AXIN1: variants seen among roughly 807,000 people sequenced by gnomAD.
AXIN1 encodes axin-1.
AXIN1 carries 30 observed loss-of-function variants against 76.4 expected under a neutral mutation model. The ratio of observed to expected loss-of-function variants is 0.39; its 90% confidence interval spans 0.29 to 0.53. The LOEUF (loss-of-function observed/expected upper bound fraction) is 0.53. AXIN1 is among the 20% of genes least tolerant of loss of function. The probability of loss-of-function intolerance (pLI) is 0.66; values close to 1 mark genes in which losing one functional copy is unlikely to be tolerated. For missense variants in AXIN1, 1,140 were observed against 1,198.8 expected (o/e 0.95, Z 0.72); for synonymous variants, 545 against 501.4 (o/e 1.09, Z -1.16).
At chr16:329,990 A>T (rs1259385459) in intron 2 of AXIN1, among the ~76,000 whole-genome samples, 4 of 149,044 alleles carry the variant, frequency 2.7e-5, no homozygotes, top group African/African-American at 9.9e-5. Flanking sequence ...CTGGTCTCAA[A>T]CTCCTGACCT....
chr16:301,292 CAAA>C, intron 5 of AXIN1, among the ~76,000 whole-genome samples: 1 of 105,686 alleles, frequency 9.5e-6, no homozygotes, highest in East Asian at 3.0e-4. Flanking sequence ...CAAAACAAAG[CAAA>C]AAAAAAAAAA....
chr16:325,239 C>T (rs544956578), intron 2 of AXIN1, among the ~76,000 whole-genome samples: 6 of 152,240 alleles, frequency 3.9e-5, no homozygotes, highest in Non-Finnish European at 7.3e-5. Context: ...ATCCACCTGT[C>T]GCTCGAGGTC....
intron 8 of AXIN1, chr16:291,703 C>T (rs1381672400): frequency 3.4e-5 from 11 of 327,198 alleles, no homozygotes; most frequent in South Asian, 7.4e-5. Context: ...CGTGGCAACT[C>T]GGTCTGCACC....
chr16:314,025 C>T (rs118125792), intron 3 of AXIN1, among the ~76,000 whole-genome samples: 4,654 of 152,340 alleles, frequency 0.031, 101 homozygotes, highest in Non-Finnish European at 0.047. Flanking sequence ...ACGCCACCCT[C>T]AGGGACCACA....
intron 3 of AXIN1, among the ~76,000 whole-genome samples, chr16:312,727 G>A (rs1383713432): frequency 1.3e-5 from 2 of 152,326 alleles, no homozygotes; most frequent in Admixed American, 6.5e-5. Context: ...GCCCGGAAGG[G>A]GCAGGGAGCT....
intron 10 of AXIN1, among the ~76,000 whole-genome samples, chr16:288,598 G>GA (rs754893952): frequency 5.9e-5 from 9 of 152,338 alleles, no homozygotes; most frequent in Non-Finnish European, 1.2e-4. Context: ...CCCAACTGGG[G>GA]CCCTCCCTCA....
chr16:328,758 C>T (rs112911387), intron 2 of AXIN1, among the ~76,000 whole-genome samples: 21,847 of 152,198 alleles, frequency 0.14, 2,123 homozygotes, highest in Admixed American at 0.2. Context: ...AACCCAAACA[C>T]TCATGATTTT....
Position 320,732 on chromosome 16 carries a change from T to C in AXIN1, c.879-6049A>G, listed in dbSNP as rs933152340. 1.8e-4 allele frequency among the ~76,000 whole-genome samples: 16 copies of C among 88,448 alleles called. 1 individual carries two copies. The East Asian group carries it at 2.4e-3, about 13-fold the overall frequency. 58.0% of individuals were successfully genotyped at this position (88,448 alleles called of 152,430 possible). A position where few individuals can be genotyped will look rare whatever the true frequency, so the allele number is the denominator to read the frequency against. ...GTATATGCGTGTGTGTGTATATATA[T>C]ATATATATATATTTTTTTTTTTTTT... On this transcript the variant is annotated intron_variant, in intron 2 of 10. Transcript: ENST00000262320.
chr16:341,295 A>C (rs2053914100), intron 2 of AXIN1, among the ~76,000 whole-genome samples: 1 of 152,234 alleles, frequency 6.6e-6, no homozygotes, highest in Admixed American at 6.5e-5. Flanking sequence ...CCGCGGCTGC[A>C]TGCGCTTGCA....
intron 4 of AXIN1, 104 bp downstream of exon 4, chr16:309,869 T>C: frequency 1.8e-6 from 2 of 1,142,316 alleles, no homozygotes; most frequent in African/African-American, 1.5e-5. Context: ...GAGGTAAGCC[T>C]GGCTCGTGGG....
At chr16:345,170 T>C (rs2054008985) in intron 2 of AXIN1, among the ~76,000 whole-genome samples, 1 of 152,152 alleles carries the variant, frequency 6.6e-6, no homozygotes, top group African/African-American at 2.4e-5. Context: ...GTTCCAAGGC[T>C]GAGCACCACT....
chr16:305,625 G>T (rs1346557088), intron 4 of AXIN1, among the ~76,000 whole-genome samples: 1 of 152,114 alleles, frequency 6.6e-6, no homozygotes, highest in Non-Finnish European at 1.5e-5. Context: ...CTCACTGCAA[G>T]CTCCGCCTCC....
At chr16:306,896 G>C (rs950450474) in intron 4 of AXIN1, among the ~76,000 whole-genome samples, 1 of 152,222 alleles carries the variant, frequency 6.6e-6, no homozygotes, top group African/African-American at 2.4e-5. Flanking sequence ...GATGTGGGCC[G>C]GTGTGTCCGG....
rs1191961922 is a variant in AXIN1, at chr16:297,036, G to A, written c.1955+20C>T. 4 of 1,608,230 alleles carry A rather than the reference G, an allele frequency of 2.5e-6. No homozygotes were observed. The highest frequency in any genetic ancestry group is 2.2e-5 in the South Asian group (2 of 91,082). On this transcript the variant is annotated intron_variant, in intron 7 of 10. Coordinates refer to ENST00000262320, the MANE Select transcript of AXIN1 (RefSeq NM_003502.4). ...TGGCAAAGCAGGCCCCACGAGGCTG[G>A]CTGCGTGCGGGGTGCTCACCCGTGG...
intron 6 of AXIN1, 151 bp from the exon 7 acceptor site, chr16:297,377 TC>T (rs2052741712): frequency 1.9e-6 from 2 of 1,047,614 alleles, no homozygotes; most frequent in South Asian, 3.0e-5. Context: ...CCACCCGCTG[TC>T]CCCCGCCAGC....
At chr16:322,596 A>AT (rs2053483286) in intron 2 of AXIN1, among the ~76,000 whole-genome samples, 1 of 152,174 alleles carries the variant, frequency 6.6e-6, no homozygotes, top group Non-Finnish European at 1.5e-5. Flanking sequence ...CCGCGAGGCA[A>AT]AGAGTCCATG....
chr16:330,344 G>A (rs1567295792), intron 2 of AXIN1, among the ~76,000 whole-genome samples: 1 of 151,690 alleles, frequency 6.6e-6, no homozygotes, highest in Non-Finnish European at 1.5e-5. Flanking sequence ...GATTACAGAT[G>A]TGAGCCACTG....
chr16:328,636 C>CA (rs1266814906), intron 2 of AXIN1, among the ~76,000 whole-genome samples: 1 of 152,144 alleles, frequency 6.6e-6, no homozygotes, highest in Non-Finnish European at 1.5e-5. Context: ...GCAGAGGTTG[C>CA]AGTGAGCCGA....
chr16:331,634 G>A (rs745673691), intron 2 of AXIN1, among the ~76,000 whole-genome samples: 2 of 152,162 alleles, frequency 1.3e-5, no homozygotes, highest in African/African-American at 2.4e-5. Flanking sequence ...GTAAGCGGAC[G>A]CATAACAAAG....
Sources: allele counts gnomAD v4.1 joint callset (sites outside exome capture counted in the v4.1 genomes callset), GRCh38; gene constraint gnomAD v4.1.1; transcripts MANE v1.5; gene names NCBI Gene and HGNC (gene_info 2026-07-23, HGNC 2026-07-21).